The following FNDC3A variants were observed in gnomAD, a reference collection of about 807,000 sequenced individuals.
The protein encoded by FNDC3A is fibronectin type-III domain-containing protein 3A.
Under a neutral mutation model 148.9 loss-of-function variants are expected in FNDC3A, and 32 were observed. That is an observed-to-expected ratio of 0.21 (90% CI 0.16 to 0.29). The LOEUF (loss-of-function observed/expected upper bound fraction) is 0.29, where lower values mean the gene tolerates loss of function less well. Among genes scored for constraint, FNDC3A ranks in the 10% least tolerant of loss-of-function variants. The pLI, the probability that FNDC3A is intolerant of heterozygous loss-of-function variation, is 1.00. For synonymous variants in FNDC3A, 472 were observed against 473.6 expected, an observed-to-expected ratio of 1.00 and a Z score of 0.04; for missense variants, 1,191 against 1,452.8, an observed-to-expected ratio of 0.82 and a Z score of 2.93.
chr13:49,126,197 C>T (rs1357452822), intron 4 of FNDC3A, among the ~76,000 whole-genome samples: 4 of 151,778 alleles, frequency 2.6e-5, no homozygotes, highest in South Asian at 2.1e-4. Context: ...TGGAGTTCAC[C>T]GTGCTCTTGG....
At chr13:49,085,420 G>A (rs2093135133) in intron 3 of FNDC3A, among the ~76,000 whole-genome samples, 1 of 151,846 alleles carries the variant, frequency 6.6e-6, no homozygotes, top group Non-Finnish European at 1.5e-5. Flanking sequence ...TCTTTGTTGG[G>A]GAGGAGAGAG....
At chr13:49,113,472 G>A (rs1880717967) in intron 3 of FNDC3A, among the ~76,000 whole-genome samples, 1 of 152,018 alleles carries the variant, frequency 6.6e-6, no homozygotes, top group Non-Finnish European at 1.5e-5. Context: ...CTGTAATCCG[G>A]ATTTGTTGTG....
intron 25 of FNDC3A, among the ~76,000 whole-genome samples, chr13:49,206,215 T>C (rs1374870308): frequency 1.3e-5 from 2 of 152,220 alleles, no homozygotes; most frequent in African/African-American, 4.8e-5. Flanking sequence ...CTCATAATTA[T>C]CATACATGTT....
At chr13:49,125,568 C>T (rs1881641947) in intron 4 of FNDC3A, among the ~76,000 whole-genome samples, 1 of 152,076 alleles carries the variant, frequency 6.6e-6, no homozygotes, top group East Asian at 1.9e-4. Context: ...TTGAGAAAGT[C>T]ACAGAACCCT....
chr13:48,989,058 A>G (rs1951860813), intron 1 of FNDC3A, among the ~76,000 whole-genome samples: 1 of 152,154 alleles, frequency 6.6e-6, no homozygotes, highest in Non-Finnish European at 1.5e-5. Context: ...CACTAGCTAG[A>G]ACAGAAAGCC....
At chr13:49,022,677 C>T (rs894395258) in intron 2 of FNDC3A, among the ~76,000 whole-genome samples, 16 of 152,196 alleles carry the variant, frequency 1.1e-4, no homozygotes, top group African/African-American at 3.9e-4. Flanking sequence ...CCAAATTAGT[C>T]ATCTTCTAAC....
At chr13:49,015,532 A>G (rs924285138) in intron 2 of FNDC3A, among the ~76,000 whole-genome samples, 1 of 152,248 alleles carries the variant, frequency 6.6e-6, no homozygotes, top group Non-Finnish European at 1.5e-5. Context: ...ATATACAATC[A>G]TGTCGTCTGC....
At chr13:49,154,444 A>G (rs1032034999) in intron 8 of FNDC3A, among the ~76,000 whole-genome samples, 3 of 148,648 alleles carry the variant, frequency 2.0e-5, no homozygotes, top group African/African-American at 7.5e-5. Flanking sequence ...TTTTCTAAAT[A>G]TACAATCATG....
chr13:49,172,138 A>G (rs774541537), intron 11 of FNDC3A, 42 bp downstream of exon 11: 1 of 1,246,540 alleles, frequency 8.0e-7, no homozygotes, highest in Non-Finnish European at 1.2e-6. Context: ...CATTATGTGC[A>G]TATGTTCAGG....
At chr13:49,189,844 A>G (rs1284917309) in intron 17 of FNDC3A, among the ~76,000 whole-genome samples, 1 of 152,222 alleles carries the variant, frequency 6.6e-6, no homozygotes, top group Non-Finnish European at 1.5e-5. Context: ...AATGTTAAGT[A>G]TGAACCTTAA....
chr13:49,101,794 G>GTTTTTT (rs570292116), intron 3 of FNDC3A, among the ~76,000 whole-genome samples: 6 of 103,368 alleles, frequency 5.8e-5, no homozygotes, highest in Non-Finnish European at 1.2e-4. Context: ...ACCTGCTTTA[G>GTTTTTT]TTTTTTTTTT....
At chr13:49,068,911 G>A (rs1285202104) in intron 2 of FNDC3A, among the ~76,000 whole-genome samples, 1 of 152,202 alleles carries the variant, frequency 6.6e-6, no homozygotes, top group Non-Finnish European at 1.5e-5. Flanking sequence ...TGAAGGTGGA[G>A]GGTGGGAGGA....
intron 4 of FNDC3A, among the ~76,000 whole-genome samples, chr13:49,124,952 A>C (rs530901623): frequency 6.6e-5 from 10 of 152,300 alleles, no homozygotes; most frequent in Admixed American, 2.0e-4. Flanking sequence ...GGACTCCTGA[A>C]AGGCAATATC....
intron 1 of FNDC3A, among the ~76,000 whole-genome samples, chr13:48,989,005 A>G (rs1264902196): frequency 1.3e-5 from 2 of 152,204 alleles, no homozygotes; most frequent in Non-Finnish European, 2.9e-5. Context: ...TGTATATAGA[A>G]CAGTATCCAA....
At chr13:49,154,194 T>C (rs917776042) in intron 8 of FNDC3A, among the ~76,000 whole-genome samples, 12 of 150,276 alleles carry the variant, frequency 8.0e-5, no homozygotes, top group Non-Finnish European at 1.6e-4. Context: ...TTTTATCTCA[T>C]TGAGCAGTGG....
chr13:48,984,841 C>A (rs902774324), intron 1 of FNDC3A, among the ~76,000 whole-genome samples: 1 of 151,974 alleles, frequency 6.6e-6, no homozygotes, highest in Non-Finnish European at 1.5e-5. Context: ...CCCACCACCA[C>A]GCCCAGCTAA....
At chr13:49,017,491 G>C (rs889354872) in intron 2 of FNDC3A, among the ~76,000 whole-genome samples, 1 of 151,984 alleles carries the variant, frequency 6.6e-6, no homozygotes, top group Non-Finnish European at 1.5e-5. Context: ...GAGCCTATGT[G>C]TGTCTCTGCA....
intron 3 of FNDC3A, among the ~76,000 whole-genome samples, chr13:49,098,800 C>T (rs1371942450): frequency 6.6e-6 from 1 of 152,024 alleles, no homozygotes; most frequent in Admixed American, 6.6e-5. Context: ...TACTTAGGCC[C>T]CTAATTTAAG....
At chr13:49,034,252 A>G (rs1874337195) in intron 2 of FNDC3A, among the ~76,000 whole-genome samples, 1 of 152,094 alleles carries the variant, frequency 6.6e-6, no homozygotes, top group African/African-American at 2.4e-5. Context: ...TATTATGAAG[A>G]AAGCTATTAC....
Sources: allele counts gnomAD v4.1 joint callset (sites outside exome capture counted in the v4.1 genomes callset), GRCh38; gene constraint gnomAD v4.1.1; transcripts MANE v1.5; gene names NCBI Gene and HGNC (gene_info 2026-07-23, HGNC 2026-07-21).